Variants in RGS3 observed in about 807,000 individuals in gnomAD.
RGS3 encodes the protein regulator of G protein signaling 3.
A neutral mutation model predicts 132.6 loss-of-function variants in RGS3; 80 were observed. The ratio of observed to expected loss-of-function variants is 0.60; its 90% CI spans 0.50 to 0.73. RGS3 has a LOEUF of 0.73. Among genes scored for constraint, RGS3 ranks in the 30% least tolerant of loss-of-function variants. The pLI is 0.00. For missense variants in RGS3, 1,382 were observed against 1,530.8 expected (o/e 0.90, Z 1.62); for synonymous variants, 598 against 620.6 (o/e 0.96, Z 0.54).
chr9:113,593,779 G>C (rs1173186150), intron 21 of RGS3: 1 of 784,584 alleles, frequency 1.3e-6, no homozygotes, highest in South Asian at 1.7e-5. Context: ...CTTGGGGACC[G>C]GCAAGGCTAA....
chr9:113,500,988 C>T (rs1043016049), intron 10 of RGS3, among the ~76,000 whole-genome samples: 1 of 152,154 alleles, frequency 6.6e-6, no homozygotes, highest in African/African-American at 2.4e-5. Flanking sequence ...CCACGCCTGG[C>T]CGAAACTGAC....
At chr9:113,595,817 C>G in intron 24 of RGS3, 52 bp downstream of exon 22, 3 of 1,581,080 alleles carry the variant, frequency 1.9e-6, no homozygotes, top group Non-Finnish European at 2.6e-6. Context: ...GGCCCAGTGG[C>G]CCTTCAGCTG....
At position 113,594,065 on chromosome 9, in the gene RGS3, T is replaced by G. The variant is rs775570787; in HGVS notation, c.3081-365T>G. 1.8e-5 allele frequency: 29 copies of G among 1,612,914 alleles called. No individual in the cohort carries two copies. In the South Asian group the frequency reaches 3.1e-4, roughly 17 times the overall value. ...GAATTTTTTTTTCCGCTCCCCCTCCTGGTCCCTCCCATTTCCTGGCTCCTC... is the reference window on the plus strand; with the variant it reads ...GAATTTTTTTTTCCGCTCCCCCTCCGGGTCCCTCCCATTTCCTGGCTCCTC... On this transcript the variant is annotated intron_variant, in intron 21 of 24. Transcript: ENST00000350696.
At chr9:113,488,993 A>G (rs896395734) in intron 7 of RGS3, among the ~76,000 whole-genome samples, 5 of 152,238 alleles carry the variant, frequency 3.3e-5, no homozygotes, top group South Asian at 2.1e-4. Context: ...ATGAAAGACA[A>G]TTGTGGAAGG....
At chr9:113,551,624 C>G (rs1032318603) in intron 19 of RGS3, among the ~76,000 whole-genome samples, 3 of 151,998 alleles carry the variant, frequency 2.0e-5, no homozygotes, top group African/African-American at 7.3e-5. Flanking sequence ...CTGAGGTGGG[C>G]CGATTGCTTG....
chr9:113,576,163 G>A (rs1250183278), intron 19 of RGS3, among the ~76,000 whole-genome samples: 1 of 151,748 alleles, frequency 6.6e-6, no homozygotes, highest in African/African-American at 2.4e-5. Context: ...TCACGCCACT[G>A]CACTCCAGCC....
At chr9:113,470,490 A>G (rs1324630780) in intron 3 of RGS3, among the ~76,000 whole-genome samples, 1 of 152,222 alleles carries the variant, frequency 6.6e-6, no homozygotes. Context: ...TTATTATGAA[A>G]TCTATTATTG....
chr9:113,476,006 T>C (rs1829981773), intron 3 of RGS3, among the ~76,000 whole-genome samples: 1 of 151,936 alleles, frequency 6.6e-6, no homozygotes, highest in Admixed American at 6.6e-5. Flanking sequence ...GGTGTGATCA[T>C]GGTTCACTGT....
At chr9:113,540,696 G>A (rs10981814) in intron 19 of RGS3, among the ~76,000 whole-genome samples, 5 of 152,156 alleles carry the variant, frequency 3.3e-5, no homozygotes, top group African/African-American at 1.2e-4. Context: ...TGTGCTCCAC[G>A]GGGAGGGACG....
chr9:113,477,511 C>A (rs1830030935), intron 3 of RGS3, among the ~76,000 whole-genome samples: 1 of 152,152 alleles, frequency 6.6e-6, no homozygotes, highest in Admixed American at 6.5e-5. Flanking sequence ...CAAACCTGTT[C>A]TCTAACCAGA....
intron 18 of RGS3, 81 bp from the exon 17 acceptor site, chr9:113,536,715 C>G: frequency 6.4e-7 from 1 of 1,560,934 alleles, no homozygotes; most frequent in Non-Finnish European, 8.7e-7. Context: ...CTCTGGAGCC[C>G]AGGGATGGGC....
At chr9:113,577,294 T>C (rs1834577396) in intron 19 of RGS3, among the ~76,000 whole-genome samples, 1 of 152,182 alleles carries the variant, frequency 6.6e-6, no homozygotes, top group South Asian at 2.1e-4. Context: ...TCAACTTTTA[T>C]TTTTTAGAAA....
At position 113,540,001 on chromosome 9, in the gene RGS3, C is replaced by T. The variant is rs573369377; in HGVS notation, c.2037+3083C>T. On this transcript the variant is annotated intron_variant, in intron 19 of 24. Transcript: ENST00000350696. Reference sequence around the variant, plus strand: ...CTATCTCTCCAAGCTTTGTGATTTTCGTGAAAGCTGAGGGCCGGGGGCCAT... The same window carrying T: ...CTATCTCTCCAAGCTTTGTGATTTTTGTGAAAGCTGAGGGCCGGGGGCCAT... 3.9e-5 allele frequency among the ~76,000 whole-genome samples: 6 copies of T among 152,036 alleles called. No individual in the cohort carries two copies. In the South Asian group the frequency reaches 6.2e-4, roughly 16 times the overall value.
At chr9:113,538,465 G>A (rs940935052) in intron 19 of RGS3, among the ~76,000 whole-genome samples, 2 of 152,164 alleles carry the variant, frequency 1.3e-5, no homozygotes, top group Non-Finnish European at 2.9e-5. Flanking sequence ...CCTTTTCTGG[G>A]GGAAAGAGCT....
rs554306275 is a variant in RGS3, at chr9:113,515,317, A to T, written c.1674+663A>T. ...TTCTTCCCCCTTTTCCTCCCCATTT[A>T]TCTCTCCTTCTCTTTAAAAATAACC... On this transcript the variant is annotated intron_variant, in intron 15 of 24. Coordinates refer to ENST00000350696, the Ensembl canonical transcript of RGS3. Among the ~76,000 whole-genome samples the T allele has an allele frequency of 8.6e-5, 13 of 151,796 alleles. No homozygotes were observed. In the East Asian group the frequency reaches 2.5e-3, roughly 29 times the overall value.
chr9:113,501,731 C>A (rs1830907073), intron 10 of RGS3: 4 of 1,237,434 alleles, frequency 3.2e-6, no homozygotes, highest in Non-Finnish European at 4.6e-6. Flanking sequence ...TCTTCTTTGA[C>A]CTTTCCTGCT....
At chr9:113,496,915 G>C (rs1389097160) in intron 8 of RGS3, among the ~76,000 whole-genome samples, 1 of 152,116 alleles carries the variant, frequency 6.6e-6, no homozygotes, top group African/African-American at 2.4e-5. Context: ...CCTGGAGACT[G>C]CTCAGGAGCC....
intron 19 of RGS3, among the ~76,000 whole-genome samples, chr9:113,568,548 G>A (rs1834112164): frequency 1.3e-5 from 2 of 152,198 alleles, no homozygotes; most frequent in Admixed American, 6.5e-5. Context: ...GCTTCCAAAA[G>A]TCAATGGTCA....
chr9:113,565,350 G>A lies in RGS3; in HGVS notation c.2038-18100G>A, dbSNP rs932109583. 5.4e-6 allele frequency: 7 copies of A among 1,289,794 alleles called. No individual in the cohort carries two copies. Among genetic ancestry groups the A allele is most frequent in the African/African-American group, 1.5e-5 (1 of 65,822 alleles). 79.9% of individuals were successfully genotyped at this position (1,289,794 alleles called of 1,614,324 possible). ...GCCTCTCTCCAGAGTGGCGGTGGCC[G>A]GCTAGACAGGGTGTGTGTTTGGGAA... On this transcript the variant is annotated intron_variant, in intron 19 of 24. Coordinates refer to ENST00000350696, the Ensembl canonical transcript of RGS3. This position sits in a 1 kb window ranked among gnomAD's most constrained non-coding sequence, Gnocchi z 5.7.
Sources: gnomAD v4.1 joint callset for allele counts (sites outside exome capture counted in the v4.1 genomes callset) on GRCh38, gnomAD v4.1.1 for gene constraint, Gnocchi (gnomAD v3.1) non-coding constraint, MANE v1.5 for transcripts, NCBI Gene and HGNC (gene_info 2026-07-23, HGNC 2026-07-21) for gene names.